MMP26: variants seen among roughly 807,000 people sequenced by gnomAD.
MMP26 encodes the protein matrix metalloproteinase-26.
MMP26 carries 33 observed loss-of-function variants against 31.0 expected under a neutral mutation model. The ratio of observed to expected loss-of-function variants is 1.06; its 90% CI spans 0.81 to 1.42. MMP26 has a LOEUF of 1.42. MMP26 is among the 40% of genes most tolerant of loss of function. The probability of loss-of-function intolerance (pLI) is 0.00; values close to 1 mark genes in which losing one functional copy is unlikely to be tolerated. For missense variants in MMP26, 347 were observed against 316.1 expected (o/e 1.10, Z -0.74); for synonymous variants, 122 against 114.9 (o/e 1.06, Z -0.40).
At chr11:4,741,639 G>A (rs1317418339) in intron 1 of MMP26, among the ~76,000 whole-genome samples, 1 of 125,310 alleles carries the variant, frequency 8.0e-6, no homozygotes, top group Non-Finnish European at 1.6e-5. Context: ...CACACATGAG[G>A]CCTGTTGGGG....
At chr11:4,791,039 A>G (rs919187228) in intron 2 of MMP26, among the ~76,000 whole-genome samples, 6 of 152,158 alleles carry the variant, frequency 3.9e-5, no homozygotes, top group Non-Finnish European at 8.8e-5. Flanking sequence ...TGCTTGTTGT[A>G]TCGGTTATTC....
intron 1 of MMP26, among the ~76,000 whole-genome samples, chr11:4,761,528 G>C (rs1848569079): frequency 6.6e-6 from 1 of 152,106 alleles, no homozygotes; most frequent in African/African-American, 2.4e-5. Context: ...TATCCCATTG[G>C]GTCAGTTAGC....
At chr11:4,910,055 A>G (rs12799928) in intron 2 of MMP26, among the ~76,000 whole-genome samples, 14,694 of 152,148 alleles carry the variant, frequency 0.097, 899 homozygotes, top group Middle Eastern at 0.2. Flanking sequence ...GTATTGTTTT[A>G]TAATTCTGTA....
chr11:4,857,245 A>G (rs575343576), intron 2 of MMP26, among the ~76,000 whole-genome samples: 52 of 120,190 alleles, frequency 4.3e-4, no homozygotes, highest in South Asian at 1.0e-3. Context: ...AAGGAGATAG[A>G]GACACAAAAA....
At chr11:4,923,759 A>G (rs755308386) in intron 2 of MMP26, 10 of 1,613,872 alleles carry the variant, frequency 6.2e-6, no homozygotes, top group Admixed American at 1.7e-5. Context: ...ATTGACAATG[A>G]TGCTAGAGCA....
chr11:4,967,889 T>C (rs971551629), intron 2 of MMP26, among the ~76,000 whole-genome samples: 4 of 152,148 alleles, frequency 2.6e-5, no homozygotes, highest in Non-Finnish European at 5.9e-5. Context: ...ATCTACTAAA[T>C]TTCTGTAACT....
At chr11:4,977,085 C>T (rs947150258) in intron 2 of MMP26, among the ~76,000 whole-genome samples, 2 of 151,310 alleles carry the variant, frequency 1.3e-5, no homozygotes, top group African/African-American at 4.9e-5. Flanking sequence ...CTGAGTACTT[C>T]CTATATTAAA....
intron 2 of MMP26, chr11:4,907,636 C>T (rs7941509): frequency 0.58 from 928,591 of 1,613,288 alleles, 280,267 homozygotes; most frequent in South Asian, 0.67. Context: ...TGTTCAATGC[C>T]ATGGGAATTT....
intron 2 of MMP26, among the ~76,000 whole-genome samples, chr11:4,790,274 C>CG (rs1324247693): frequency 7.0e-6 from 1 of 143,482 alleles, no homozygotes; most frequent in Non-Finnish European, 1.6e-5. Context: ...CTGGGAGGTG[C>CG]GGAGGCTGCG....
rs576033944 is a variant in MMP26 at position 4,733,757 on chromosome 11, T to C, written c.-217+28712T>C. ...GAGTGGACATCCTTGTCTTTTTCAT[T>C]ATATTAGAGGGGAATATTCAGACTT... is the stretch of plus-strand genomic sequence containing the variant. On this transcript the variant is annotated intron_variant, in intron 1 of 7. Transcript: ENST00000380390. Among the ~76,000 whole-genome samples, 12 of 152,306 alleles carry C rather than the reference T, an allele frequency of 7.9e-5. No homozygotes were observed. The South Asian group carries it at 1.4e-3, about 18-fold the overall frequency.
At chr11:4,786,493 CTTTTTTTTT>C (rs66987352) in intron 2 of MMP26, among the ~76,000 whole-genome samples, 3 of 60,352 alleles carry the variant, frequency 5.0e-5, no homozygotes, top group Non-Finnish European at 8.9e-5. Flanking sequence ...TCTGCTGATC[CTTTTTTTTT>C]TTTTTTTTTT....
intron 2 of MMP26, among the ~76,000 whole-genome samples, chr11:4,974,618 C>T (rs973246077): frequency 1.3e-5 from 2 of 152,002 alleles, no homozygotes; most frequent in African/African-American, 4.8e-5. Flanking sequence ...CAAAATCTAC[C>T]ATCCCATGCT....
chr11:4,714,795 T>C (rs1352041439), intron 1 of MMP26, among the ~76,000 whole-genome samples: 1 of 152,046 alleles, frequency 6.6e-6, no homozygotes, highest in Non-Finnish European at 1.5e-5. Context: ...GCCTGGAGTG[T>C]TATCTTGGTA....
Position 4,955,709 on chromosome 11 carries a change from G to T in MMP26, c.-144-32359G>T, listed in dbSNP as rs200741265. On this transcript the variant is annotated intron_variant, in intron 2 of 7. Transcript: ENST00000380390. ...TTCAACATATGATGTGTTGATAATG[G>T]ACATGATTCATTCATAGGGCTCTGC... 2 of 1,560,260 alleles carry T rather than the reference G, an allele frequency of 1.3e-6. No homozygotes were observed. The highest frequency in any genetic ancestry group is 1.8e-5 in the Admixed American group (1 of 56,536).
intron 2 of MMP26, among the ~76,000 whole-genome samples, chr11:4,865,689 T>G (rs4910690): frequency 0.69 from 104,450 of 151,786 alleles, 37,436 homozygotes; most frequent in Middle Eastern, 0.8. Context: ...ATCAGGCTGG[T>G]ATTTGTTGAC....
At chr11:4,957,460 G>C (rs934603554) in intron 2 of MMP26, among the ~76,000 whole-genome samples, 2 of 152,002 alleles carry the variant, frequency 1.3e-5, no homozygotes, top group African/African-American at 4.8e-5. Context: ...TTGTCCTCTT[G>C]TAATTGGGCA....
intron 2 of MMP26, among the ~76,000 whole-genome samples, chr11:4,911,304 C>T (rs953361228): frequency 2.0e-5 from 3 of 152,148 alleles, no homozygotes; most frequent in Non-Finnish European, 4.4e-5. Flanking sequence ...CTTAATTTCA[C>T]CTGGATACCT....
In MMP26 at chr11:4,894,588, T is replaced by G. The variant is rs530737389; in HGVS notation, c.-144-93480T>G. ...ATCAATTAATGTCATTTCTATCACA[T>G]TTCTGAAAAAAATACATCAAGTAAG... On this transcript the variant is annotated intron_variant, in intron 2 of 7. Transcript: ENST00000380390. 5.1e-4 allele frequency among the ~76,000 whole-genome samples: 77 copies of G among 152,200 alleles called. 2 individuals are homozygous for G. The highest frequency in any genetic ancestry group is 9.3e-4 in the Non-Finnish European group (63 of 68,016).
chr11:4,810,532 C>A (rs1205966916), intron 2 of MMP26, among the ~76,000 whole-genome samples: 28 of 152,134 alleles, frequency 1.8e-4, no homozygotes, highest in Admixed American at 1.8e-3. Context: ...TAGCTACATA[C>A]CTGGCAGTGT....
Sources: gnomAD v4.1 joint callset for allele counts (sites outside exome capture counted in the v4.1 genomes callset) on GRCh38, gnomAD v4.1.1 for gene constraint, MANE v1.5 for transcripts, NCBI Gene and HGNC (gene_info 2026-07-23, HGNC 2026-07-21) for gene names.